Variants in ESPN observed in about 807,000 individuals in gnomAD.
ESPN encodes autosomal recessive deafness type 36 protein.
ESPN carries 68 observed loss-of-function variants against 77.7 expected under a neutral mutation model. The ratio of observed to expected loss-of-function variants is 0.87; its 90% CI spans 0.72 to 1.07. ESPN has a LOEUF of 1.07. ESPN is among the 50% of genes least tolerant of loss of function. The probability of loss-of-function intolerance (pLI) is 0.00; values close to 1 mark genes in which losing one functional copy is unlikely to be tolerated. For missense variants in ESPN, 1,060 were observed against 1,239.0 expected, an observed-to-expected ratio of 0.86 and a Z score of 2.17; for synonymous variants, 449 against 567.1, an observed-to-expected ratio of 0.79 and a Z score of 2.96.
At chr1:6,432,399 G>A (rs1048272248) in intron 2 of ESPN, among the ~76,000 whole-genome samples, 1 of 152,224 alleles carries the variant, frequency 6.6e-6, no homozygotes, top group African/African-American at 2.4e-5. Context: ...GGCAGGGCCT[G>A]TGTCCGCACT....
chr1:6,441,404 G>GT (rs1252490763), intron 5 of ESPN, among the ~76,000 whole-genome samples: 2 of 152,176 alleles, frequency 1.3e-5, no homozygotes, highest in African/African-American at 4.8e-5. Context: ...AGAAAAGAGT[G>GT]TTTAAGTGTC....
intron 2 of ESPN, among the ~76,000 whole-genome samples, chr1:6,439,251 G>A (rs990555551): frequency 5.9e-5 from 9 of 152,220 alleles, no homozygotes; most frequent in African/African-American, 2.2e-4. Context: ...CAGGACGTTT[G>A]ACTAGCTTTG....
rs981036461 is a variant in ESPN at position 6,447,829 on chromosome 1, G to A, written c.1465-812G>A. Among the ~76,000 whole-genome samples the A allele has an allele frequency of 6.6e-6, 1 of 152,100 alleles. No homozygotes were observed. The highest frequency in any genetic ancestry group is 2.4e-5 in the African/African-American group (1 of 41,432). ...GGGCGGGGATGAAGGTGGGGGCTCA[G>A]CTCCCAGCTTAGGGAGAGGCGCAGG... is the stretch of plus-strand genomic sequence containing the variant. On this transcript the variant is annotated intron_variant, in intron 7 of 12. Coordinates refer to ENST00000645284, the MANE Select transcript of ESPN (RefSeq NM_031475.3). This position sits in a 1 kb window ranked among gnomAD's most constrained non-coding sequence, Gnocchi z 5.2.
In ESPN at chr1:6,452,084, G is replaced by A; in HGVS notation, c.2313G>A (p.Glu771=). The change falls in exon 10 of 13, where the codon GAG becomes GAA. Residue 771 remains glutamate, a synonymous_variant. Transcript: ENST00000645284. ...AGCTGAAGATGCAGGAGGAGGAGGA[G>A]CAGAGGCGGAAGGTGGGTGGGGCGG... The part of the protein sequence containing the change: ...KMQLKMQEEE[E]QRRKEEEEEA... 1.3e-6 allele frequency: 2 copies of A among 1,548,986 alleles called. No homozygotes were observed. Among genetic ancestry groups the A allele is most frequent in the Non-Finnish European group, 1.7e-6 (2 of 1,147,454 alleles).
At chr1:6,453,528 G>A (rs1464746815) in intron 10 of ESPN, among the ~76,000 whole-genome samples, 10 of 152,220 alleles carry the variant, frequency 6.6e-5, no homozygotes, top group East Asian at 1.9e-4. Context: ...CTGAAGAGCC[G>A]CAGGTGAGAC....
rs538672785 is a variant in ESPN at position 6,444,336 on chromosome 1, G to A, written c.991-145G>A. 9.3e-5 allele frequency: 75 copies of A among 802,200 alleles called. No individual in the cohort carries two copies. The East Asian group carries it at 1.5e-3, about 16-fold the overall frequency. 49.7% of individuals were successfully genotyped at this position (802,200 alleles called of 1,614,324 possible). A position where few individuals can be genotyped will look rare whatever the true frequency, so the allele number is the denominator to read the frequency against. On this transcript the variant is annotated intron_variant, in intron 5 of 12. Transcript: ENST00000645284. ...TTAACCTGGAGGAACCTGAGAGACC[G>A]TCTAGTGATGGGGAAGAGACCCCAG...
chr1:6,454,806 G>A, intron 10 of ESPN: 1 of 397,416 alleles, frequency 2.5e-6, no homozygotes. Flanking sequence ...GCACCTGGCG[G>A]AGCTGCTGAC....
At chr1:6,438,145 G>A (rs1557700074) in intron 2 of ESPN, among the ~76,000 whole-genome samples, 1 of 152,140 alleles carries the variant, frequency 6.6e-6, no homozygotes, top group African/African-American at 2.4e-5. Context: ...AACCCAATAG[G>A]TCGCGGCCCC....
rs1034432935 is a variant in ESPN, at chr1:6,451,667, G to A, written c.1980G>A (p.Lys660=). The part of the protein sequence containing the change: ...GDNSELLAEI[K]AGKSLKPTPQ... ...ACTCGGAGCTACTGGCTGAGATTAA[G>A]GCAGGCAAGAGCCTGAAGCCGACGC... Residue 660 remains lysine (K), a synonymous_variant, in exon 9 of 13, where the codon AAG becomes AAA. Coordinates refer to ENST00000645284, the MANE Select transcript of ESPN (RefSeq NM_031475.3). This position sits in a 1 kb window ranked among gnomAD's most constrained non-coding sequence, Gnocchi z 4.3. The A allele has an allele frequency of 1.2e-6, 2 of 1,613,178 alleles. No homozygotes were observed. Among genetic ancestry groups the A allele is most frequent in the Non-Finnish European group, 8.5e-7 (1 of 1,179,984 alleles).
At chr1:6,436,356 G>A (rs372713837) in intron 2 of ESPN, among the ~76,000 whole-genome samples, 43 of 152,262 alleles carry the variant, frequency 2.8e-4, no homozygotes, top group East Asian at 9.6e-4. Flanking sequence ...CTGAGAGAAC[G>A]TGTGTGTTGT....
At position 6,460,169 on chromosome 1, in the gene ESPN, G is replaced by A. The variant is rs1419690508; in HGVS notation, c.*23G>A. On this transcript the variant is annotated 3_prime_UTR_variant, in exon 13 of 13. Transcript: ENST00000645284. ...TAGAGGCCGCAGACTCCTGTCCGCA[G>A]CCTCGCAGCTCCGTGGGGCCCTCCG... The A allele has an allele frequency of 3.7e-6, 6 of 1,605,646 alleles. No homozygotes were observed. The highest frequency in any genetic ancestry group is 1.3e-5 in the African/African-American group (1 of 74,760).
rs547521405 is a variant in ESPN at position 6,451,500 on chromosome 1, C to G, written c.1916-103C>G. The G allele has an allele frequency of 6.7e-7, 1 of 1,492,654 alleles. No homozygotes were observed. Among genetic ancestry groups the G allele is most frequent in the South Asian group, 1.2e-5 (1 of 83,034 alleles). The allele number at this position is 1,492,654 out of a possible 1,614,324, so 92.5% of individuals were successfully genotyped here. ...GCCCGCTGGCCCGGAGGATGGGCACCCATCCAATCTTGGCTTAGGAAAGGG... is the reference window on the plus strand; with the variant it reads ...GCCCGCTGGCCCGGAGGATGGGCACGCATCCAATCTTGGCTTAGGAAAGGG... On this transcript the variant is annotated intron_variant, in intron 8 of 12. Coordinates refer to ENST00000645284, the MANE Select transcript of ESPN (RefSeq NM_031475.3). This position sits in a 1 kb window ranked among gnomAD's most constrained non-coding sequence, Gnocchi z 4.3.
chr1:6,459,274 G>A (rs1328651482), intron 12 of ESPN, among the ~76,000 whole-genome samples: 1 of 151,768 alleles, frequency 6.6e-6, no homozygotes, highest in Non-Finnish European at 1.5e-5. Flanking sequence ...GGGCGTAGTG[G>A]CACACATCTG....
rs1335459729 is a variant in ESPN at position 6,425,159 on chromosome 1, CAACGGCGCCACA to C, written c.205_216del (p.Asn69_Thr72del). The C allele has an allele frequency of 6.6e-6, 10 of 1,518,490 alleles. No homozygotes were observed. The African/African-American group carries it at 1.4e-4, about 22-fold the overall frequency. 94.1% of individuals were successfully genotyped at this position (1,518,490 alleles called of 1,614,324 possible). On this transcript the variant is annotated inframe_deletion, in exon 1 of 13. Transcript: ENST00000645284. Reference sequence around the variant, plus strand: ...CCCTCCCCGCCGCGGCCCGCGCCCGCAACGGCGCCACACCGGCCCACGACGCCTCCGCCACCG... The same window carrying C: ...CCCTCCCCGCCGCGGCCCGCGCCCGCCCGGCCCACGACGCCTCCGCCACCG...
chr1:6,438,033 G>A (rs1426558836), intron 2 of ESPN, among the ~76,000 whole-genome samples: 1 of 152,070 alleles, frequency 6.6e-6, no homozygotes, highest in Non-Finnish European at 1.5e-5. Flanking sequence ...ATGCGGGGTG[G>A]AGCATGTGGT....
At chr1:6,454,678 C>A in intron 10 of ESPN, 1 of 398,788 alleles carries the variant, frequency 2.5e-6, no homozygotes, top group Non-Finnish European at 4.4e-6. Context: ...CCGCGCTTCA[C>A]CGTCGATCCG....
At chr1:6,429,016 A>T (rs960097718) in intron 2 of ESPN, among the ~76,000 whole-genome samples, 1 of 147,956 alleles carries the variant, frequency 6.8e-6, no homozygotes, top group Non-Finnish European at 1.5e-5. Context: ...GGGGATCCCA[A>T]ACCTCCTGGG....
In ESPN at chr1:6,440,314, C is replaced by T. The variant is rs1484229606; in HGVS notation, c.549C>T (p.Gly183=). ...CCCTGTACCTGGCGTGCCAGGAGGG[C>T]CACCTGGAGGTGACCCAGTACCTGG... ...ATPLYLACQE[G]HLEVTQYLVQ... is the part of the protein sequence containing the mutation. Residue 183 remains glycine (G), a synonymous_variant, in exon 3 of 13, where the codon GGC becomes GGT. Transcript: ENST00000645284. 2.6e-6 allele frequency: 4 copies of T among 1,562,754 alleles called. No homozygotes were observed. The highest frequency in any genetic ancestry group is 2.6e-6 in the Non-Finnish European group (3 of 1,153,692).
At position 6,428,181 on chromosome 1, in the gene ESPN, G is replaced by A. The variant is rs1309991142; in HGVS notation, c.295-45G>A. On this transcript the variant is annotated intron_variant, in intron 1 of 12. Transcript: ENST00000645284. The surrounding 1 kb of genome is among the most constrained non-coding windows in gnomAD (Gnocchi z 5.4). The stretch of plus-strand genomic sequence containing the variant: ...CTGGGAGTGGCCCAAGCCAGGGGCG[G>A]GGCAGCAACAGGCTTTAGGACTTGA... 6.2e-7 allele frequency: 1 copy of A among 1,606,328 alleles called. No individual in the cohort carries two copies. The highest frequency in any genetic ancestry group is 8.5e-7 in the Non-Finnish European group (1 of 1,174,108).
Sources: gnomAD v4.1 joint callset for allele counts (sites outside exome capture counted in the v4.1 genomes callset) on GRCh38, gnomAD v4.1.1 for gene constraint, Gnocchi (gnomAD v3.1) non-coding constraint, MANE v1.5 for transcripts, NCBI Gene and HGNC (gene_info 2026-07-23, HGNC 2026-07-21) for gene names.